The following HTR2A variants were observed in gnomAD, a reference collection of about 807,000 sequenced individuals.
The protein encoded by HTR2A is 5-hydroxytryptamine receptor 2A, also known as 5-HT2 receptor.
In HTR2A, 14 loss-of-function variants were observed where a neutral mutation model predicts 31.0. The observed-to-expected ratio is 0.45, with a 90% CI of 0.30 to 0.71. The LOEUF (loss-of-function observed/expected upper bound fraction) is 0.71, where lower values mean the gene tolerates loss of function less well. HTR2A is among the 30% of genes least tolerant of loss of function. The probability of loss-of-function intolerance (pLI) is 0.09; values close to 1 mark genes in which losing one functional copy is unlikely to be tolerated. For missense variants in HTR2A, 442 were observed against 573.3 expected, an observed-to-expected ratio of 0.77 and a Z score of 2.34; for synonymous variants, 209 against 225.2, an observed-to-expected ratio of 0.93 and a Z score of 0.64.
intron 3 of HTR2A, among the ~76,000 whole-genome samples, chr13:46,872,593 C>G (rs1047190225): frequency 6.6e-6 from 1 of 152,054 alleles, no homozygotes; most frequent in African/African-American, 2.4e-5. Context: ...ACTCTGTATA[C>G]TACTAATGGA....
chr13:46,894,409 C>T (rs1014586445), intron 2 of HTR2A, among the ~76,000 whole-genome samples: 7 of 152,190 alleles, frequency 4.6e-5, no homozygotes, highest in African/African-American at 1.7e-4. Context: ...AAAGGGCAGG[C>T]AAATTAAATG....
In HTR2A at chr13:46,857,297, T is replaced by TAAA. The variant is rs34073547; in HGVS notation, c.614-21661_614-21659dup. ...CTGGTGACAGAGCAAGACTCCATCT[T>TAAA]AAAAAAAAAAAAAAAAAATCATTGC... On this transcript the variant is annotated intron_variant, in intron 3 of 3. Transcript: ENST00000542664. Among the ~76,000 whole-genome samples the TAAA allele has an allele frequency of 3.0e-3, 401 of 133,514 alleles. 3 individuals are homozygous for TAAA. The highest frequency in any genetic ancestry group is 7.9e-3 in the Middle Eastern group (2 of 252). 87.6% of individuals were successfully genotyped at this position (133,514 alleles called of 152,430 possible).
At chr13:46,853,119 T>C (rs781159698) in intron 3 of HTR2A, among the ~76,000 whole-genome samples, 6 of 152,154 alleles carry the variant, frequency 3.9e-5, no homozygotes, top group Non-Finnish European at 8.8e-5. Flanking sequence ...GCCTAGAAAT[T>C]TTTTCTTGTG....
At chr13:46,890,471 A>G (rs1391638555) in intron 3 of HTR2A, among the ~76,000 whole-genome samples, 1 of 152,202 alleles carries the variant, frequency 6.6e-6, no homozygotes, top group Non-Finnish European at 1.5e-5. Flanking sequence ...TGCAGTGGAA[A>G]GAGCATGGGC....
chr13:46,837,155 T>C (rs1236140671), intron 3 of HTR2A, among the ~76,000 whole-genome samples: 2 of 152,128 alleles, frequency 1.3e-5, no homozygotes, highest in East Asian at 3.9e-4. Flanking sequence ...CCTCTAATCA[T>C]GCTATGTGCC....
chr13:46,837,330 T>G (rs1053778044), intron 3 of HTR2A, among the ~76,000 whole-genome samples: 1 of 152,170 alleles, frequency 6.6e-6, no homozygotes, highest in Non-Finnish European at 1.5e-5. Flanking sequence ...AGATGGCTTA[T>G]TCTCTCTGCC....
intron 3 of HTR2A, among the ~76,000 whole-genome samples, chr13:46,866,432 G>A (rs1478958471): frequency 2.6e-5 from 4 of 152,210 alleles, no homozygotes; most frequent in Non-Finnish European, 5.9e-5. Flanking sequence ...CCTCAGGGGA[G>A]AGAGCAGCTG....
intron 3 of HTR2A, among the ~76,000 whole-genome samples, chr13:46,864,341 A>T (rs1950803854): frequency 6.6e-6 from 1 of 152,164 alleles, no homozygotes. Context: ...TGTACAACAA[A>T]CTTGTGCCAT....
At chr13:46,850,092 C>A (rs1055847534) in intron 3 of HTR2A, among the ~76,000 whole-genome samples, 3 of 152,176 alleles carry the variant, frequency 2.0e-5, no homozygotes, top group Admixed American at 6.5e-5. Flanking sequence ...GCTAACAATT[C>A]TGACAAAGTA....
chr13:46,843,425 G>A (rs769098047), intron 3 of HTR2A, among the ~76,000 whole-genome samples: 7 of 152,202 alleles, frequency 4.6e-5, no homozygotes, highest in Non-Finnish European at 8.8e-5. Flanking sequence ...CTCTGTTAGA[G>A]TGAGAGGTCC....
At position 46,835,250 on chromosome 13, in the gene HTR2A, T is replaced by C. The variant is rs550284242; in HGVS notation, c.1003A>G (p.Met335Val). ...LGIVFFLFVV[M>V]WCPFFITNIM... Reference sequence around the variant, plus strand: ...TTTGTGATGAAGAAAGGGCACCACATCACCACAAACAGGAAGAAGACGATG... The same window carrying C: ...TTTGTGATGAAGAAAGGGCACCACACCACCACAAACAGGAAGAAGACGATG... Residue 335 changes from methionine to valine, a missense_variant, in exon 4 of 4, where the codon ATG (methionine) becomes GTG (valine). Transcript: ENST00000542664. 6.2e-7 allele frequency: 1 copy of C among 1,614,070 alleles called. No homozygotes were observed. The highest frequency in any genetic ancestry group is 1.1e-5 in the South Asian group (1 of 91,080).
intron 3 of HTR2A, among the ~76,000 whole-genome samples, chr13:46,872,887 AATT>A (rs557905558): frequency 6.6e-6 from 1 of 151,940 alleles, no homozygotes; most frequent in African/African-American, 2.4e-5. Flanking sequence ...ATTTCCCAGT[AATT>A]ATTATTATTA....
In HTR2A at chr13:46,834,406, C is replaced by T. The variant is rs151187004; in HGVS notation, c.*431G>A. 1,939 of 156,008 alleles carry T rather than the reference C, an allele frequency of 0.012. 38 individuals carry two copies. Among genetic ancestry groups the T allele is most frequent in the African/African-American group, 0.044 (1,804 of 41,468 alleles). 9.7% of individuals were successfully genotyped at this position (156,008 alleles called of 1,614,324 possible). A position where few individuals can be genotyped will look rare whatever the true frequency, so the allele number is the denominator to read the frequency against. On this transcript the variant is annotated 3_prime_UTR_variant, in exon 4 of 4. Transcript: ENST00000542664. ...AGTTTTAAAGATAATTTTTAAGAGG[C>T]CATTATATTCAATAAAATTTTCACT...
At chr13:46,876,496 G>A (rs1485349789) in intron 3 of HTR2A, among the ~76,000 whole-genome samples, 1 of 140,034 alleles carries the variant, frequency 7.1e-6, no homozygotes, top group Non-Finnish European at 1.5e-5. Context: ...TGCAAGCTCC[G>A]CCTCCCGGGT....
Position 46,896,979 on chromosome 13 carries a change from G to C in HTR2A, c.-634C>G. 1 of 660,532 alleles carries C rather than the reference G, an allele frequency of 1.5e-6. No homozygotes were observed. The highest frequency in any genetic ancestry group is 1.9e-5 in the South Asian group (1 of 53,686). The allele number at this position is 660,532 out of a possible 1,614,324, so 40.9% of individuals were successfully genotyped here. On this transcript the variant is annotated 5_prime_UTR_variant, in exon 1 of 4. Coordinates refer to ENST00000542664, the MANE Select transcript of HTR2A (RefSeq NM_000621.5). The stretch of plus-strand genomic sequence containing the variant: ...ACGAGCCCCTCAAAGTCGCACAAAA[G>C]AACTGCATGGGAAAGTAGGAAGAGC...
upstream of HTR2A, among the ~76,000 whole-genome samples, chr13:46,897,859 A>G (rs150859659): frequency 2.9e-3 from 443 of 152,180 alleles, 1 homozygote; most frequent in Non-Finnish European, 4.5e-3. Flanking sequence ...CTAGCTGCCC[A>G]TTGGCTCCTT....
chr13:46,857,235 G>C (rs1021907288), intron 3 of HTR2A, among the ~76,000 whole-genome samples: 1 of 150,934 alleles, frequency 6.6e-6, no homozygotes, highest in Non-Finnish European at 1.5e-5. Flanking sequence ...AGAGGCGGAG[G>C]TTTCAGTGAG....
Position 46,896,068 on chromosome 13 carries a change from T to C in HTR2A, c.-162A>G. 7.2e-7 allele frequency: 1 copy of C among 1,395,938 alleles called. No homozygotes were observed. 86.5% of individuals were successfully genotyped at this position (1,395,938 alleles called of 1,614,324 possible). The stretch of plus-strand genomic sequence containing the variant: ...TTGTCTTCCATTATTACAATGATAG[T>C]TAAAGAACTGAACTGTGGTGGCTGT... On this transcript the variant is annotated 5_prime_UTR_variant, in exon 2 of 4. An upstream open reading frame in the 5' UTR loses its in-frame stop. Transcript: ENST00000542664.
intron 3 of HTR2A, among the ~76,000 whole-genome samples, chr13:46,863,450 T>G (rs1950794891): frequency 1.3e-5 from 2 of 150,474 alleles, no homozygotes; most frequent in African/African-American, 4.9e-5. Flanking sequence ...TAGCAGCGCC[T>G]CATCTCTACA....
Sources: gnomAD v4.1 joint callset for allele counts (sites outside exome capture counted in the v4.1 genomes callset) on GRCh38, gnomAD v4.1.1 for gene constraint, MANE v1.5 for transcripts, NCBI Gene and HGNC (gene_info 2026-07-23, HGNC 2026-07-21) for gene names.